The following ULK4 variants were observed in gnomAD, a reference collection of about 807,000 sequenced individuals.
ULK4 encodes the protein unc-51 like kinase 4, also known as inactive serine/threonine-protein kinase ULK4.
A neutral mutation model predicts 160.6 loss-of-function variants in ULK4; 133 were observed. That is an observed-to-expected ratio of 0.83 (90% CI 0.72 to 0.96). ULK4 has a LOEUF of 0.96. Ranked by LOEUF, ULK4 falls within the 40% of genes least tolerant of loss-of-function variation. The pLI, the probability that ULK4 is intolerant of heterozygous loss-of-function variation, is 0.00. For synonymous variants in ULK4, 534 were observed against 539.8 expected (o/e 0.99, Z 0.15); for missense variants, 1,580 against 1,499.5 (o/e 1.05, Z -0.89).
intron 33 of ULK4, among the ~76,000 whole-genome samples, chr3:41,460,841 C>T (rs58068287): frequency 0.018 from 2,769 of 152,214 alleles, 91 homozygotes; most frequent in African/African-American, 0.064. Flanking sequence ...ACAACCACCC[C>T]GCAGAGTGGT....
intron 29 of ULK4, among the ~76,000 whole-genome samples, chr3:41,677,729 T>C (rs563330425): frequency 2.6e-5 from 4 of 152,318 alleles, no homozygotes; most frequent in African/African-American, 9.6e-5. Context: ...GGTTCATTCA[T>C]TGTATTATGA....
intron 35 of ULK4, among the ~76,000 whole-genome samples, chr3:41,340,884 A>T (rs1047838257): frequency 3.3e-5 from 5 of 152,232 alleles, no homozygotes; most frequent in African/African-American, 4.8e-5. Flanking sequence ...TGGGAATCTT[A>T]TATGGAAATG....
chr3:41,927,845 G>C (rs1354269574), intron 5 of ULK4, among the ~76,000 whole-genome samples: 1 of 151,628 alleles, frequency 6.6e-6, no homozygotes, highest in East Asian at 1.9e-4. Flanking sequence ...GGAGTATTCA[G>C]ATTCATAAAG....
chr3:41,264,249 A>G (rs2125679565), intron 35 of ULK4, among the ~76,000 whole-genome samples: 1 of 152,336 alleles, frequency 6.6e-6, no homozygotes, highest in Middle Eastern at 3.4e-3. Context: ...GCCAGTTAGG[A>G]GGGACTTTGG....
intron 5 of ULK4, among the ~76,000 whole-genome samples, chr3:41,921,050 A>G (rs544752531): frequency 3.3e-5 from 5 of 152,354 alleles, no homozygotes; most frequent in Non-Finnish European, 7.3e-5. Flanking sequence ...CCAGGCTCAC[A>G]CTTGTAATCC....
At chr3:41,626,044 T>C (rs1024251059) in intron 30 of ULK4, among the ~76,000 whole-genome samples, 6 of 152,172 alleles carry the variant, frequency 3.9e-5, no homozygotes, top group Non-Finnish European at 8.8e-5. Flanking sequence ...TTGGTTTGTT[T>C]CCCCTTTAAT....
At chr3:41,789,929 G>A in intron 20 of ULK4, 86 bp from the exon 21 acceptor site, 2 of 1,228,964 alleles carry the variant, frequency 1.6e-6, no homozygotes, top group Non-Finnish European at 2.2e-6. Context: ...TCTGTGTCAA[G>A]GAGTAGAAGG....
rs894054716 is a variant in ULK4, at chr3:41,859,226, G to C, written c.1657-23255C>G. The C allele has an allele frequency of 5.6e-6, 3 of 535,066 alleles. No individual in the cohort carries two copies. In the Admixed American group the frequency reaches 6.7e-5, roughly 12 times the overall value. The allele number at this position is 535,066 out of a possible 1,614,324, so 33.1% of individuals were successfully genotyped here. A position where few individuals can be genotyped will look rare whatever the true frequency, so the allele number is the denominator to read the frequency against. Reference sequence around the variant, plus strand: ...ATTTAAATGTGGTGCTGATGTTTAAGGCAACTAATGACCAAAATGGGCAAG... The same window carrying C: ...ATTTAAATGTGGTGCTGATGTTTAACGCAACTAATGACCAAAATGGGCAAG... On this transcript the variant is annotated intron_variant, in intron 17 of 36. Coordinates refer to ENST00000301831, the MANE Select transcript of ULK4 (RefSeq NM_017886.4).
At chr3:41,306,580 T>G (rs2079943332) in intron 35 of ULK4, among the ~76,000 whole-genome samples, 2 of 150,956 alleles carry the variant, frequency 1.3e-5, no homozygotes, top group South Asian at 4.2e-4. Flanking sequence ...GGGGCACCTC[T>G]GCCCGGCCGC....
chr3:41,265,617 G>A (rs2079017289), intron 35 of ULK4, among the ~76,000 whole-genome samples: 1 of 152,164 alleles, frequency 6.6e-6, no homozygotes. Context: ...AAATTCCCAT[G>A]GTGGCTGTTA....
At chr3:41,889,413 T>A (rs1246599944) in intron 16 of ULK4, among the ~76,000 whole-genome samples, 1 of 151,986 alleles carries the variant, frequency 6.6e-6, no homozygotes, top group African/African-American at 2.4e-5. Flanking sequence ...AAATCCTAAA[T>A]AATAAAATGA....
intron 32 of ULK4, among the ~76,000 whole-genome samples, chr3:41,482,549 T>C (rs531240571): frequency 1.1e-4 from 16 of 152,326 alleles, no homozygotes; most frequent in African/African-American, 3.8e-4. Flanking sequence ...TCCTTTTCAC[T>C]TGGCTATGGT....
At chr3:41,508,442 C>G (rs9831248) in intron 32 of ULK4, among the ~76,000 whole-genome samples, 127,720 of 152,034 alleles carry the variant, frequency 0.84, 54,946 homozygotes, top group Non-Finnish European at 0.94. Context: ...ACCTGGCAAC[C>G]CTAAGGCAAA....
At chr3:41,407,675 T>C (rs1304753786) in intron 34 of ULK4, among the ~76,000 whole-genome samples, 2 of 152,144 alleles carry the variant, frequency 1.3e-5, no homozygotes, top group Non-Finnish European at 2.9e-5. Flanking sequence ...AAACTAACTA[T>C]TAAAAACATT....
intron 12 of ULK4, among the ~76,000 whole-genome samples, chr3:41,903,738 T>A (rs1698452820): frequency 6.6e-6 from 1 of 152,114 alleles, no homozygotes; most frequent in East Asian, 1.9e-4. Flanking sequence ...AAATAAAATG[T>A]TCAGGAATAA....
intron 22 of ULK4, among the ~76,000 whole-genome samples, chr3:41,740,828 C>T (rs889787000): frequency 6.6e-6 from 1 of 151,914 alleles, no homozygotes; most frequent in African/African-American, 2.4e-5. Flanking sequence ...TCTGTATAAA[C>T]TCATCACAGA....
At chr3:41,846,839 C>G (rs1575819131) in intron 17 of ULK4, among the ~76,000 whole-genome samples, 1 of 149,770 alleles carries the variant, frequency 6.7e-6, no homozygotes, top group African/African-American at 2.5e-5. Context: ...ACCATTGAAA[C>G]TAAAAGATAA....
intron 30 of ULK4, among the ~76,000 whole-genome samples, chr3:41,652,738 T>C (rs9869862): frequency 0.046 from 7,030 of 152,226 alleles, 415 homozygotes; most frequent in African/African-American, 0.13. Flanking sequence ...TGAGAACGAC[T>C]GTGTTGAGAA....
chr3:41,782,155 A>AATT (rs1559549644), intron 21 of ULK4, among the ~76,000 whole-genome samples: 1 of 131,776 alleles, frequency 7.6e-6, no homozygotes, highest in African/African-American at 3.3e-5. Flanking sequence ...AGCGATTCTG[A>AATT]ATTTTTTTTT....
Sources: gnomAD v4.1 joint callset for allele counts (sites outside exome capture counted in the v4.1 genomes callset) on GRCh38, gnomAD v4.1.1 for gene constraint, MANE v1.5 for transcripts, NCBI Gene and HGNC (gene_info 2026-07-23, HGNC 2026-07-21) for gene names.